Variants in PAN3 observed in about 807,000 individuals in gnomAD.
The protein encoded by PAN3 is PAN2-PAN3 deadenylation complex subunit PAN3.
A neutral mutation model predicts 96.2 loss-of-function variants in PAN3; 19 were observed. The ratio of observed to expected loss-of-function variants is 0.20; its 90% CI spans 0.14 to 0.29. The LOEUF (loss-of-function observed/expected upper bound fraction) is 0.29, where lower values mean the gene tolerates loss of function less well. PAN3 is among the 10% of genes least tolerant of loss of function. The probability of loss-of-function intolerance (pLI) is 1.00; values close to 1 mark genes in which losing one functional copy is unlikely to be tolerated. For missense variants in PAN3, 882 were observed against 1,108.1 expected, an observed-to-expected ratio of 0.80 and a Z score of 2.90; for synonymous variants, 433 against 406.6, an observed-to-expected ratio of 1.06 and a Z score of -0.78.
At chr13:28,248,997 T>C (rs778739471) in intron 6 of PAN3, among the ~76,000 whole-genome samples, 10 of 152,224 alleles carry the variant, frequency 6.6e-5, no homozygotes, top group Admixed American at 6.5e-5. Flanking sequence ...AAATATATGA[T>C]TTGCAAATAT....
At chr13:28,234,907 C>T (rs751031340) in intron 6 of PAN3, among the ~76,000 whole-genome samples, 3 of 152,040 alleles carry the variant, frequency 2.0e-5, no homozygotes, top group East Asian at 1.9e-4. Context: ...CCATCATAGC[C>T]GCTTCCATGC....
intron 14 of PAN3, among the ~76,000 whole-genome samples, chr13:28,272,595 G>A (rs1223750284): frequency 6.7e-6 from 1 of 149,268 alleles, no homozygotes; most frequent in East Asian, 2.0e-4. Flanking sequence ...TTGAGGCAGA[G>A]TTTCACTCTT....
chr13:28,275,729 A>G (rs1887000548), intron 14 of PAN3, among the ~76,000 whole-genome samples: 2 of 152,290 alleles, frequency 1.3e-5, no homozygotes, highest in East Asian at 3.9e-4. Flanking sequence ...TGGCAACAGT[A>G]ATAGTTCTCC....
rs77275465 is a variant in PAN3 at position 28,188,908 on chromosome 13, T to G, written c.691-8277T>G. 9.6e-3 allele frequency among the ~76,000 whole-genome samples: 1,458 copies of G among 152,306 alleles called. 80 individuals are homozygous for G. Among genetic ancestry groups the G allele is most frequent in the Admixed American group, 0.078 (1,192 of 15,286 alleles). On this transcript the variant is annotated intron_variant, in intron 4 of 18. Coordinates refer to ENST00000380958, the MANE Select transcript of PAN3 (RefSeq NM_175854.8). ...ACATTTTTTATACAAGTGCTGGTAT[T>G]TATAGATTGTTCTTCTAGCTGCACT...
intron 1 of PAN3, among the ~76,000 whole-genome samples, chr13:28,165,219 A>G (rs1357812678): frequency 6.6e-6 from 1 of 151,786 alleles, no homozygotes; most frequent in Non-Finnish European, 1.5e-5. Flanking sequence ...GTTCTGATTC[A>G]TTAGGTATAG....
chr13:28,206,781 A>C (rs1233575589), intron 5 of PAN3, among the ~76,000 whole-genome samples: 2 of 149,830 alleles, frequency 1.3e-5, no homozygotes, highest in Non-Finnish European at 3.0e-5. Flanking sequence ...TACTGCCCTC[A>C]AGAACTCTGC....
At chr13:28,155,202 G>A (rs756066728) in intron 1 of PAN3, among the ~76,000 whole-genome samples, 3 of 152,116 alleles carry the variant, frequency 2.0e-5, no homozygotes, top group Non-Finnish European at 2.9e-5. Flanking sequence ...AAATGACGTA[G>A]TATATGTGTT....
chr13:28,138,515 C>A (rs1307748312), upstream of PAN3: 4 of 166,440 alleles, frequency 2.4e-5, no homozygotes, highest in Non-Finnish European at 3.8e-5. Context: ...TCTCCCCGGG[C>A]GGCTCCGGCT....
At chr13:28,195,568 C>T (rs1045643211) in intron 4 of PAN3, among the ~76,000 whole-genome samples, 6 of 152,092 alleles carry the variant, frequency 3.9e-5, no homozygotes, top group African/African-American at 1.4e-4. Context: ...TGGAGTCTCA[C>T]TCTGTGGCCC....
chr13:28,174,387 G>C lies in PAN3; in HGVS notation c.546G>C (p.Leu182=). Residue 182 remains leucine (L), a synonymous_variant, in exon 2 of 19, where the codon CTG becomes CTC. Coordinates refer to ENST00000380958, the MANE Select transcript of PAN3 (RefSeq NM_175854.8). ...FGSPVETKYP[L]MQRMTNSSSS... is the part of the protein sequence containing the mutation. ...GCCCTGTAGAAACAAAATATCCCCT[G>C]ATGCAGGTATCCTTAGTATAAATTC... is the stretch of plus-strand genomic sequence containing the variant. The C allele has an allele frequency of 6.2e-7, 1 of 1,612,938 alleles. No individual in the cohort carries two copies. The highest frequency in any genetic ancestry group is 8.5e-7 in the Non-Finnish European group (1 of 1,179,114).
intron 1 of PAN3, among the ~76,000 whole-genome samples, chr13:28,163,870 T>G (rs1194188683): frequency 7.2e-5 from 11 of 152,232 alleles, no homozygotes; most frequent in Non-Finnish European, 2.9e-5. Flanking sequence ...TTTCCCTAGA[T>G]GGATACTCAG....
intron 14 of PAN3, among the ~76,000 whole-genome samples, chr13:28,273,911 A>G (rs189365851): frequency 3.7e-4 from 57 of 152,360 alleles, no homozygotes; most frequent in African/African-American, 1.3e-3. Flanking sequence ...CAGAACAAAA[A>G]GAGAACAAAA....
intron 6 of PAN3, among the ~76,000 whole-genome samples, chr13:28,243,856 CTT>C (rs1291451018): frequency 6.6e-6 from 1 of 151,886 alleles, no homozygotes; most frequent in African/African-American, 2.4e-5. Context: ...GCCCAACTAA[CTT>C]TTGTATTTTT....
chr13:28,214,740 C>T, intron 5 of PAN3: 1 of 528,020 alleles, frequency 1.9e-6, no homozygotes, highest in African/African-American at 1.9e-5. Context: ...ATTGATATCT[C>T]CCTGTAGAAA....
intron 6 of PAN3, 106 bp downstream of exon 6, chr13:28,220,484 T>A: frequency 7.5e-6 from 10 of 1,338,100 alleles, no homozygotes; most frequent in Non-Finnish European, 9.0e-6. Flanking sequence ...GATTCACATT[T>A]GAACATTAAG....
At chr13:28,290,404 AG>A (rs1869599319) in intron 18 of PAN3, among the ~76,000 whole-genome samples, 1 of 152,194 alleles carries the variant, frequency 6.6e-6, no homozygotes, top group Non-Finnish European at 1.5e-5. Context: ...AAAACTGGCC[AG>A]GCTCGGTGTC....
intron 1 of PAN3, among the ~76,000 whole-genome samples, chr13:28,141,465 T>TC (rs1280422550): frequency 6.3e-5 from 8 of 126,104 alleles, no homozygotes; most frequent in South Asian, 2.4e-4. Flanking sequence ...TTTTTTTCTT[T>TC]TTTTTTTTTT....
intron 1 of PAN3, among the ~76,000 whole-genome samples, chr13:28,146,565 A>G (rs1870682921): frequency 6.6e-6 from 1 of 152,182 alleles, no homozygotes; most frequent in Non-Finnish European, 1.5e-5. Flanking sequence ...GGTATAGCCT[A>G]CTGCATGCTA....
chr13:28,219,724 T>C (rs1486328562), intron 5 of PAN3, among the ~76,000 whole-genome samples: 1 of 152,228 alleles, frequency 6.6e-6, no homozygotes, highest in African/African-American at 2.4e-5. Flanking sequence ...TCCTCCCATA[T>C]TTGCCGTGTT....
Sources: allele counts gnomAD v4.1 joint callset (sites outside exome capture counted in the v4.1 genomes callset), GRCh38; gene constraint gnomAD v4.1.1; transcripts MANE v1.5; gene names NCBI Gene and HGNC (gene_info 2026-07-23, HGNC 2026-07-21).